The following STAB2 variants were observed in gnomAD, a reference collection of about 807,000 sequenced individuals.
STAB2 encodes the protein stabilin-2.
In STAB2, 288 loss-of-function variants were observed where a neutral mutation model predicts 338.1. That is an observed-to-expected ratio of 0.85 (90% CI 0.77 to 0.94). The LOEUF (loss-of-function observed/expected upper bound fraction) is 0.94, where lower values mean the gene tolerates loss of function less well. Among genes scored for constraint, STAB2 ranks in the 40% least tolerant of loss-of-function variants. The probability of loss-of-function intolerance (pLI) is 0.00; values close to 1 mark genes in which losing one functional copy is unlikely to be tolerated. For synonymous variants in STAB2, 1,202 were observed against 1,193.3 expected (o/e 1.01, Z -0.15); for missense variants, 3,141 against 3,210.1 (o/e 0.98, Z 0.52).
chr12:103,707,534 G>A (rs998060179), intron 38 of STAB2, among the ~76,000 whole-genome samples: 1 of 152,158 alleles, frequency 6.6e-6, no homozygotes, highest in Non-Finnish European at 1.5e-5. Flanking sequence ...TTTACCTGAG[G>A]GTTGCTCTAT....
chr12:103,695,021 A>G (rs1225263942), intron 31 of STAB2, among the ~76,000 whole-genome samples: 2 of 152,224 alleles, frequency 1.3e-5, no homozygotes, highest in Non-Finnish European at 2.9e-5. Flanking sequence ...CTAAATTTAT[A>G]TGTAAAAATG....
chr12:103,607,551 A>G (rs1454914412), intron 3 of STAB2, among the ~76,000 whole-genome samples: 15 of 144,222 alleles, frequency 1.0e-4, no homozygotes, highest in African/African-American at 3.8e-4. Context: ...CCCACCCCAC[A>G]ACAGGCCCCA....
In STAB2 at chr12:103,724,965, A is replaced by G; in HGVS notation, c.4684-10A>G. ...AATCCCCATCCCTTGCCCCTTGGCAATTTTACCAGAAAAATGGCGGCTGTA... is the reference window on the plus strand; with the variant it reads ...AATCCCCATCCCTTGCCCCTTGGCAGTTTTACCAGAAAAATGGCGGCTGTA... On this transcript the variant is annotated splice_polypyrimidine_tract_variant and intron_variant, in intron 44 of 68. Coordinates refer to ENST00000388887, the MANE Select transcript of STAB2 (RefSeq NM_017564.10). 1 of 1,613,234 alleles carries G rather than the reference A, an allele frequency of 6.2e-7. No individual in the cohort carries two copies. Among genetic ancestry groups the G allele is most frequent in the Non-Finnish European group, 8.5e-7 (1 of 1,179,210 alleles).
rs140225070 is a variant in STAB2 at position 103,588,590 on chromosome 12, A to G, written c.81+1033A>G. On this transcript the variant is annotated intron_variant, in intron 1 of 68. Coordinates refer to ENST00000388887, the MANE Select transcript of STAB2 (RefSeq NM_017564.10). ...TAACTAATTTAAATAAGCTGAATTT[A>G]CTTTTCAGAGAGGACAACTTTGTCA... is the stretch of plus-strand genomic sequence containing the variant. Among the ~76,000 whole-genome samples the G allele has an allele frequency of 3.7e-3, 567 of 152,348 alleles. 19 individuals carry two copies. In the East Asian group the frequency reaches 0.088, roughly 24 times the overall value.
intron 51 of STAB2, among the ~76,000 whole-genome samples, chr12:103,734,372 C>T (rs1400722095): frequency 6.1e-5 from 9 of 146,772 alleles, no homozygotes; most frequent in African/African-American, 2.3e-4. Flanking sequence ...GGAACAAGAG[C>T]GATCATATAG....
In STAB2 at chr12:103,740,661, C is replaced by A; in HGVS notation, c.5786C>A (p.Pro1929His). The A allele has an allele frequency of 6.2e-7, 1 of 1,612,156 alleles. No individual in the cohort carries two copies. Among genetic ancestry groups the A allele is most frequent in the South Asian group, 1.1e-5 (1 of 90,660 alleles). The change falls in exon 55 of 69, where the codon CCC (proline) becomes CAC (histidine). Residue 1929 changes from proline (P) to histidine (H), a missense_variant. Coordinates refer to ENST00000388887, the MANE Select transcript of STAB2 (RefSeq NM_017564.10). The part of the protein sequence containing the change: ...GVKQKCLYNL[P>H]FKRNLEGCRE... ...AAGCAGAAGTGTCTCTACAACCTGCCCTTCAAGAGGAACCTGGAAGGCTGC... is the reference window on the plus strand; with the variant it reads ...AAGCAGAAGTGTCTCTACAACCTGCACTTCAAGAGGAACCTGGAAGGCTGC...
At chr12:103,694,359 A>G (rs1878219959) in intron 31 of STAB2, among the ~76,000 whole-genome samples, 1 of 152,120 alleles carries the variant, frequency 6.6e-6, no homozygotes, top group Non-Finnish European at 1.5e-5. Context: ...ATCCCGTCTA[A>G]TCACCTTAAG....
At chr12:103,766,182 A>C in intron 68 of STAB2, 104 bp from the exon 69 acceptor site, 1 of 1,438,848 alleles carries the variant, frequency 7.0e-7, no homozygotes, top group African/African-American at 1.4e-5. Flanking sequence ...ACGTGTTCAC[A>C]GTGCTCAGGG....
chr12:103,631,303 C>T (rs1957457778), intron 5 of STAB2, among the ~76,000 whole-genome samples: 1 of 151,874 alleles, frequency 6.6e-6, no homozygotes, highest in Non-Finnish European at 1.5e-5. Context: ...TTGAGGTATC[C>T]AAAGATGAAG....
At chr12:103,704,806 A>C (rs1281490720) in intron 36 of STAB2, 192 bp downstream of exon 36, 20 of 539,754 alleles carry the variant, frequency 3.7e-5, no homozygotes, top group Non-Finnish European at 6.1e-5. Context: ...GCAAAATTTA[A>C]TAAACATAAA....
rs2138966621 is a variant in STAB2, at chr12:103,703,152, A to G, written c.3719A>G (p.Tyr1240Cys). The G allele has an allele frequency of 6.2e-7, 1 of 1,613,468 alleles. No homozygotes were observed. Among genetic ancestry groups the G allele is most frequent in the South Asian group, 1.1e-5 (1 of 90,848 alleles). Residue 1240 changes from tyrosine (Y) to cysteine (C), a missense_variant, in exon 35 of 69, where the codon TAT becomes TGT. By Grantham distance (194) the Tyr-to-Cys change is radical (BLOSUM62 -2). Coordinates refer to ENST00000388887, the MANE Select transcript of STAB2 (RefSeq NM_017564.10). ...LSFFLHNDQL[Y>C]VNEAPINYTN... ...ATTTAACCCTGTTGTTCACAGCTCT[A>G]TGTAAATGAGGCTCCAATAAACTAC... is the stretch of plus-strand genomic sequence containing the variant.
In STAB2 at chr12:103,733,020, G is replaced by A; in HGVS notation, c.5298G>A (p.Leu1766=). The A allele has an allele frequency of 6.2e-7, 1 of 1,613,690 alleles. No individual in the cohort carries two copies. ...CTGTGTTTCAGGACTCAGGTTTGCT[G>A]AGTGTCATCACCGATCCCATCCACA... is the stretch of plus-strand genomic sequence containing the variant. ...FSNLIQDSGL[L]SVITDPIHTP... is the part of the protein sequence containing the mutation. Residue 1766 remains leucine, a synonymous_variant, in exon 51 of 69, where the codon CTG becomes CTA. Transcript: ENST00000388887.
chr12:103,730,086 C>A, intron 48 of STAB2, 30 bp from the exon 49 acceptor site: 1 of 1,554,308 alleles, frequency 6.4e-7, no homozygotes, highest in South Asian at 1.2e-5. Flanking sequence ...ACTTTGCACT[C>A]ATTTCTTTTT....
chr12:103,763,203 G>T (rs944419896), intron 67 of STAB2: 7 of 331,984 alleles, frequency 2.1e-5, no homozygotes, highest in Non-Finnish European at 3.9e-5. Context: ...CAGTTACCCT[G>T]GGTGGCAGGC....
In STAB2 at chr12:103,730,254, C is replaced by A; in HGVS notation, c.5221C>A (p.Leu1741Met). The change falls in exon 49 of 69, where the codon CTG becomes ATG. Residue 1741 changes from leucine to methionine, a missense_variant and splice_region_variant. By Grantham distance (15) the Leu-to-Met change is conservative. Coordinates refer to ENST00000388887, the MANE Select transcript of STAB2 (RefSeq NM_017564.10). ...TCCCAAAGACAACTCTGGAAGAATTCTGGTAGGTAAACTCTCTGTTATGTT... is the reference window on the plus strand; with the variant it reads ...TCCCAAAGACAACTCTGGAAGAATTATGGTAGGTAAACTCTCTGTTATGTT... ...ITPKDNSGRI[L>M]QNLTTLATNN... is the part of the protein sequence containing the mutation. 1 of 1,613,536 alleles carries A rather than the reference C, an allele frequency of 6.2e-7. No individual in the cohort carries two copies. The highest frequency in any genetic ancestry group is 1.3e-5 in the African/African-American group (1 of 75,026).
At position 103,623,525 on chromosome 12, in the gene STAB2, C is replaced by T. The variant is rs575023264; in HGVS notation, c.487+1414C>T. Among the ~76,000 whole-genome samples, 53 of 152,136 alleles carry T rather than the reference C, an allele frequency of 3.5e-4. 1 individual carries two copies. In the South Asian group the frequency reaches 5.0e-3, roughly 14 times the overall value. On this transcript the variant is annotated intron_variant, in intron 5 of 68. Coordinates refer to ENST00000388887, the MANE Select transcript of STAB2 (RefSeq NM_017564.10). ...TACGAAATATGAGAAAGACTCGATC[C>T]GCCAATTTCTGGCTTTGAAGAAGGA... is the stretch of plus-strand genomic sequence containing the variant.
At chr12:103,667,838 G>A (rs770977096) in intron 19 of STAB2, among the ~76,000 whole-genome samples, 5 of 152,160 alleles carry the variant, frequency 3.3e-5, no homozygotes, top group Non-Finnish European at 7.4e-5. Context: ...AAATTCTCGT[G>A]ACAAAACTTG....
chr12:103,742,349 C>CTG, intron 55 of STAB2, 56 bp from the exon 56 acceptor site: 1 of 1,592,404 alleles, frequency 6.3e-7, no homozygotes, highest in South Asian at 1.1e-5. Context: ...TACAAAGGTG[C>CTG]TGAGCTGCTC....
intron 4 of STAB2, 44 bp from the exon 5 acceptor site, chr12:103,621,998 G>C (rs1047768984): frequency 6.2e-7 from 1 of 1,600,474 alleles, no homozygotes; most frequent in African/African-American, 1.3e-5. Flanking sequence ...TTGGTACCAT[G>C]GGTCACCTTG....
Sources: gnomAD v4.1 joint callset for allele counts (sites outside exome capture counted in the v4.1 genomes callset) on GRCh38, gnomAD v4.1.1 for gene constraint, MANE v1.5 for transcripts, NCBI Gene and HGNC (gene_info 2026-07-23, HGNC 2026-07-21) for gene names.